KDM4C: variants seen among roughly 807,000 people sequenced by gnomAD.
The protein encoded by KDM4C is lysine demethylase 4C.
Under a neutral mutation model 129.3 loss-of-function variants are expected in KDM4C, and 81 were observed. The ratio of observed to expected loss-of-function variants is 0.63; its 90% CI spans 0.52 to 0.75. The LOEUF (loss-of-function observed/expected upper bound fraction) is 0.75, where lower values mean the gene tolerates loss of function less well. Ranked by LOEUF, KDM4C falls within the 30% of genes least tolerant of loss-of-function variation. The probability of loss-of-function intolerance (pLI) is 0.00; values close to 1 mark genes in which losing one functional copy is unlikely to be tolerated. For missense variants in KDM4C, 1,457 were observed against 1,304.0 expected (o/e 1.12, Z -1.81); for synonymous variants, 573 against 456.1 (o/e 1.26, Z -3.26).
At chr9:6,959,327 A>C (rs1199040549) in intron 8 of KDM4C, among the ~76,000 whole-genome samples, 1 of 152,170 alleles carries the variant, frequency 6.6e-6, no homozygotes, top group Non-Finnish European at 1.5e-5. Flanking sequence ...CACTCTTGAA[A>C]GTGTTGGTCT....
At chr9:7,115,951 G>T (rs754434355) in intron 18 of KDM4C, among the ~76,000 whole-genome samples, 9 of 152,194 alleles carry the variant, frequency 5.9e-5, no homozygotes, top group Non-Finnish European at 1.2e-4. Context: ...TCAGAAGTTG[G>T]CATCTTTTCA....
chr9:6,868,266 C>G (rs574604391), intron 5 of KDM4C, among the ~76,000 whole-genome samples: 2 of 152,064 alleles, frequency 1.3e-5, no homozygotes, highest in South Asian at 4.2e-4. Flanking sequence ...ACTAGAGACA[C>G]TCTAGCAACC....
At chr9:7,091,262 G>C (rs1453216761) in intron 17 of KDM4C, among the ~76,000 whole-genome samples, 1 of 152,028 alleles carries the variant, frequency 6.6e-6, no homozygotes, top group African/African-American at 2.4e-5. Flanking sequence ...GAATTCACTT[G>C]GGAGAGAGGT....
intron 8 of KDM4C, among the ~76,000 whole-genome samples, chr9:6,919,219 T>TTTCC (rs1202598816): frequency 1.4e-5 from 1 of 73,246 alleles, no homozygotes; most frequent in South Asian, 5.2e-4. Flanking sequence ...GAATTTTCTT[T>TTTCC]TTCCTTCTTT....
intron 19 of KDM4C, 113 bp downstream of exon 19, chr9:7,128,349 G>T (rs992425901): frequency 1.2e-5 from 8 of 684,450 alleles, no homozygotes; most frequent in Non-Finnish European, 1.8e-5. Flanking sequence ...CATTCACTTG[G>T]TTCATAGACT....
At chr9:6,864,420 G>GT (rs1841543997) in intron 5 of KDM4C, among the ~76,000 whole-genome samples, 1 of 152,138 alleles carries the variant, frequency 6.6e-6, no homozygotes, top group Non-Finnish European at 1.5e-5. Context: ...TTCTCTTCCT[G>GT]TTTTTAAGAT....
intron 17 of KDM4C, among the ~76,000 whole-genome samples, chr9:7,090,624 G>C (rs556534297): frequency 1.3e-5 from 2 of 152,306 alleles, no homozygotes; most frequent in East Asian, 3.9e-4. Context: ...ACTTTGGAAT[G>C]GACTGCTTGT....
intron 5 of KDM4C, among the ~76,000 whole-genome samples, chr9:6,858,405 T>C (rs1401298803): frequency 6.6e-6 from 1 of 152,090 alleles, no homozygotes; most frequent in East Asian, 1.9e-4. Flanking sequence ...TGAAAAGAAA[T>C]TGTTAAATCC....
At chr9:7,067,391 C>A (rs924796858) in intron 17 of KDM4C, among the ~76,000 whole-genome samples, 2 of 152,236 alleles carry the variant, frequency 1.3e-5, no homozygotes, top group Non-Finnish European at 2.9e-5. Flanking sequence ...GGCAGCCCAC[C>A]TGCATTGGGG....
At chr9:7,132,851 C>G (rs1387350495) in intron 19 of KDM4C, among the ~76,000 whole-genome samples, 1 of 152,216 alleles carries the variant, frequency 6.6e-6, no homozygotes, top group Admixed American at 6.5e-5. Flanking sequence ...TCTCACTTAA[C>G]ATTCACCACT....
At chr9:6,957,427 C>A (rs919314697) in intron 8 of KDM4C, among the ~76,000 whole-genome samples, 6 of 152,124 alleles carry the variant, frequency 3.9e-5, no homozygotes, top group African/African-American at 9.7e-5. Context: ...TCTTATGGGA[C>A]CCTGTTCTTT....
intron 17 of KDM4C, among the ~76,000 whole-genome samples, chr9:7,070,722 T>C (rs1833078153): frequency 6.6e-6 from 1 of 152,142 alleles, no homozygotes; most frequent in African/African-American, 2.4e-5. Context: ...TAATAAAGCA[T>C]ACTTACAAAA....
chr9:7,027,187 CT>C (rs1216278901), intron 15 of KDM4C, among the ~76,000 whole-genome samples: 1 of 152,126 alleles, frequency 6.6e-6, no homozygotes, highest in Non-Finnish European at 1.5e-5. Flanking sequence ...TAGGTATTTA[CT>C]GTAGTCTTCC....
rs1419446600 is a variant in KDM4C at position 7,076,752 on chromosome 9, A to G, written c.2425-26933A>G. The G allele has an allele frequency of 4.3e-6, 5 of 1,151,972 alleles. No homozygotes were observed. In the Admixed American group the frequency reaches 1.4e-4, roughly 31 times the overall value. 71.4% of individuals were successfully genotyped at this position (1,151,972 alleles called of 1,614,324 possible). Reference sequence around the variant, plus strand: ...GGGGTAAAATGACTTCCTTTGATTAATGTACTTTCTGTATCCTAGAGTTTC... The same window carrying G: ...GGGGTAAAATGACTTCCTTTGATTAGTGTACTTTCTGTATCCTAGAGTTTC... On this transcript the variant is annotated intron_variant, in intron 17 of 21. Transcript: ENST00000381309.
At chr9:7,112,338 A>G (rs1381686234) in intron 18 of KDM4C, among the ~76,000 whole-genome samples, 1 of 152,044 alleles carries the variant, frequency 6.6e-6, no homozygotes, top group Admixed American at 6.6e-5. Context: ...CTTGAGGCCA[A>G]GTGGGAGTGG....
intron 17 of KDM4C, among the ~76,000 whole-genome samples, chr9:7,077,692 C>T (rs867245880): frequency 6.6e-6 from 1 of 152,206 alleles, no homozygotes; most frequent in Non-Finnish European, 1.5e-5. Flanking sequence ...TAAGCTGCCT[C>T]ATCAATCCTG....
intron 15 of KDM4C, among the ~76,000 whole-genome samples, chr9:7,042,868 A>G (rs1295354252): frequency 1.3e-5 from 2 of 152,006 alleles, no homozygotes; most frequent in Admixed American, 6.6e-5. Context: ...GCTTTAACCC[A>G]TGGTCCTGAT....
chr9:6,999,201 A>C (rs980469787), intron 12 of KDM4C, among the ~76,000 whole-genome samples: 1 of 152,206 alleles, frequency 6.6e-6, no homozygotes, highest in African/African-American at 2.4e-5. Flanking sequence ...TGCTCCTGGC[A>C]AGCTGTTACT....
At chr9:7,103,526 T>C (rs1486286862) in intron 17 of KDM4C, among the ~76,000 whole-genome samples, 159 bp from the exon 18 acceptor site, 2 of 151,974 alleles carry the variant, frequency 1.3e-5, no homozygotes, top group African/African-American at 2.4e-5. Context: ...TTGCCACAGA[T>C]GCTGTCACCA....
Sources: gnomAD v4.1 joint callset for allele counts (sites outside exome capture counted in the v4.1 genomes callset) on GRCh38, gnomAD v4.1.1 for gene constraint, MANE v1.5 for transcripts, NCBI Gene and HGNC (gene_info 2026-07-23, HGNC 2026-07-21) for gene names.